CTNNA3: variants seen among roughly 807,000 people sequenced by gnomAD.
The protein encoded by CTNNA3 is catenin alpha 3.
CTNNA3 carries 76 observed loss-of-function variants against 95.7 expected under a neutral mutation model. The observed-to-expected ratio is 0.79, with a 90% CI of 0.66 to 0.96. The LOEUF (loss-of-function observed/expected upper bound fraction) is 0.96, where lower values mean the gene tolerates loss of function less well. Among genes scored for constraint, CTNNA3 ranks in the 40% least tolerant of loss-of-function variants. The pLI, the probability that CTNNA3 is intolerant of heterozygous loss-of-function variation, is 0.00. For missense variants in CTNNA3, 1,191 were observed against 1,089.8 expected (o/e 1.09, Z -1.31); for synonymous variants, 431 against 374.4 (o/e 1.15, Z -1.74).
At chr10:66,895,363 C>A (rs1205368242) in intron 7 of CTNNA3, among the ~76,000 whole-genome samples, 1 of 152,110 alleles carries the variant, frequency 6.6e-6, no homozygotes, top group East Asian at 1.9e-4. Flanking sequence ...GATCTTCAAC[C>A]AATGCCTTTA....
chr10:66,806,813 A>G (rs1404354124), intron 7 of CTNNA3, among the ~76,000 whole-genome samples: 1 of 149,008 alleles, frequency 6.7e-6, no homozygotes, highest in Non-Finnish European at 1.5e-5. Context: ...TATATACACA[A>G]TGTGGTATGT....
In CTNNA3 at chr10:66,701,874, A is replaced by G. The variant is rs544972746; in HGVS notation, c.1281+64390T>C. On this transcript the variant is annotated intron_variant, in intron 9 of 17. Coordinates refer to ENST00000433211, the MANE Select transcript of CTNNA3 (RefSeq NM_013266.4). ...CCACGTCTAAATACAAAATTCATTTATGTTTTATATGCACCTTATACCCAT... is the reference window on the plus strand; with the variant it reads ...CCACGTCTAAATACAAAATTCATTTGTGTTTTATATGCACCTTATACCCAT... Among the ~76,000 whole-genome samples, 8 of 152,246 alleles carry G rather than the reference A, an allele frequency of 5.3e-5. No individual in the cohort carries two copies. In the East Asian group the frequency reaches 1.5e-3, roughly 29 times the overall value.
At chr10:66,596,046 A>G (rs1040567063) in intron 10 of CTNNA3, among the ~76,000 whole-genome samples, 1 of 152,026 alleles carries the variant, frequency 6.6e-6, no homozygotes, top group African/African-American at 2.4e-5. Flanking sequence ...TTCTCTCATG[A>G]AGAAAAGTGG....
chr10:67,686,343 G>A (rs181363758), intron 1 of CTNNA3, among the ~76,000 whole-genome samples: 25 of 152,102 alleles, frequency 1.6e-4, no homozygotes, highest in Non-Finnish European at 2.8e-4. Flanking sequence ...AACTTTCATC[G>A]GTATATAGGT....
intron 10 of CTNNA3, among the ~76,000 whole-genome samples, chr10:66,538,713 A>G (rs1254376525): frequency 6.6e-6 from 1 of 152,150 alleles, no homozygotes; most frequent in African/African-American, 2.4e-5. Context: ...TGCTGATTTT[A>G]AGTAGTCTGT....
intron 11 of CTNNA3, among the ~76,000 whole-genome samples, chr10:66,382,873 C>G (rs890481841): frequency 6.6e-6 from 1 of 152,078 alleles, no homozygotes; most frequent in Non-Finnish European, 1.5e-5. Context: ...AACTAACAAA[C>G]AGAAAGGAGT....
intron 13 of CTNNA3, among the ~76,000 whole-genome samples, chr10:66,207,635 A>G (rs919339736): frequency 6.6e-6 from 1 of 152,090 alleles, no homozygotes; most frequent in East Asian, 1.9e-4. Context: ...CAACATTTTT[A>G]AAAACTGTTG....
At chr10:66,213,474 T>A (rs1433919628) in intron 13 of CTNNA3, among the ~76,000 whole-genome samples, 1 of 152,188 alleles carries the variant, frequency 6.6e-6, no homozygotes, top group East Asian at 1.9e-4. Flanking sequence ...AGTTAGAACA[T>A]TGTACTAGTA....
At chr10:66,084,151 A>AT (rs1381107102) in intron 14 of CTNNA3, among the ~76,000 whole-genome samples, 1 of 136,280 alleles carries the variant, frequency 7.3e-6, no homozygotes, top group East Asian at 2.3e-4. Context: ...AAAAAAAGAA[A>AT]AAAAAAGAAA....
intron 5 of CTNNA3, among the ~76,000 whole-genome samples, chr10:67,260,210 GAGAAGGAAAGAGTGGGCA>G (rs1866542879): frequency 6.6e-6 from 1 of 152,186 alleles, no homozygotes; most frequent in Admixed American, 6.5e-5. Flanking sequence ...CATGATAATG[GAGAAGGAAAGAGTGGGCA>G]AGAACCTAGC....
In CTNNA3 at chr10:66,430,737, T is replaced by C. The variant is rs185322804; in HGVS notation, c.1532-51385A>G. 4.9e-3 allele frequency among the ~76,000 whole-genome samples: 747 copies of C among 152,176 alleles called. 6 individuals carry two copies. Among genetic ancestry groups the C allele is most frequent in the African/African-American group, 0.012 (498 of 41,508 alleles). On this transcript the variant is annotated intron_variant, in intron 11 of 17. Transcript: ENST00000433211. Reference sequence around the variant, plus strand: ...GAAACTGGATCCCTTCCTTACACCTTATACAAAATTTAATTCAAGATGGAT... The same window carrying C: ...GAAACTGGATCCCTTCCTTACACCTCATACAAAATTTAATTCAAGATGGAT...
At chr10:65,967,106 G>A (rs568765028) in intron 16 of CTNNA3, among the ~76,000 whole-genome samples, 126 of 151,774 alleles carry the variant, frequency 8.3e-4, no homozygotes, top group African/African-American at 2.7e-3. Context: ...ACAGGCATGC[G>A]CCACCACACC....
chr10:67,297,864 C>T (rs1840109574), intron 5 of CTNNA3, among the ~76,000 whole-genome samples: 1 of 152,198 alleles, frequency 6.6e-6, no homozygotes, highest in Admixed American at 6.5e-5. Flanking sequence ...GCCAGAAAAA[C>T]TGCTTTTTAA....
intron 5 of CTNNA3, among the ~76,000 whole-genome samples, chr10:67,377,337 T>C (rs935607440): frequency 6.6e-6 from 1 of 152,124 alleles, no homozygotes; most frequent in East Asian, 1.9e-4. Flanking sequence ...AAGTCACCAA[T>C]AGGAAAATTT....
At chr10:66,449,881 A>C (rs1447172907) in intron 11 of CTNNA3, among the ~76,000 whole-genome samples, 1 of 152,004 alleles carries the variant, frequency 6.6e-6, no homozygotes, top group Non-Finnish European at 1.5e-5. Flanking sequence ...AAAATACTGA[A>C]AATTCTAACT....
At chr10:66,051,662 T>C (rs2079962038) in intron 15 of CTNNA3, among the ~76,000 whole-genome samples, 1 of 152,216 alleles carries the variant, frequency 6.6e-6, no homozygotes, top group Non-Finnish European at 1.5e-5. Flanking sequence ...AAAAATACTT[T>C]TAATGTTCAA....
rs1236010501 is a variant in CTNNA3, at chr10:66,201,783, C to CTTTTTTTTT, written c.1884+78678_1884+78686dup. Among the ~76,000 whole-genome samples, 638 of 79,272 alleles carry CTTTTTTTTT rather than the reference C, an allele frequency of 8.0e-3. 11 individuals are homozygous for CTTTTTTTTT. The highest frequency in any genetic ancestry group is 8.4e-3 in the Non-Finnish European group (374 of 44,384). 52.0% of individuals were successfully genotyped at this position (79,272 alleles called of 152,430 possible). On this transcript the variant is annotated intron_variant, in intron 13 of 17. Coordinates refer to ENST00000433211, the MANE Select transcript of CTNNA3 (RefSeq NM_013266.4). ...GATTGTTGCTGTCTTTTTACTTTTTCTTTTTTTTTTTTTTTTTTTTTTGAG... is the reference window on the plus strand; with the variant it reads ...GATTGTTGCTGTCTTTTTACTTTTTCTTTTTTTTTTTTTTTTTTTTTTTTTTTTTTTGAG...
intron 7 of CTNNA3, among the ~76,000 whole-genome samples, chr10:66,874,326 G>A (rs1844530353): frequency 1.3e-5 from 2 of 152,024 alleles, no homozygotes; most frequent in Admixed American, 6.6e-5. Flanking sequence ...GCTGCAAAAA[G>A]GAACAATTCC....
At chr10:66,549,422 G>T (rs1321945483) in intron 10 of CTNNA3, among the ~76,000 whole-genome samples, 1 of 152,090 alleles carries the variant, frequency 6.6e-6, no homozygotes, top group Non-Finnish European at 1.5e-5. Context: ...TGAATAGTTA[G>T]AATTTTGTCA....
Sources: allele counts gnomAD v4.1 joint callset (sites outside exome capture counted in the v4.1 genomes callset), GRCh38; gene constraint gnomAD v4.1.1; transcripts MANE v1.5; gene names NCBI Gene and HGNC (gene_info 2026-07-23, HGNC 2026-07-21).